The following ARK2C variants were observed in gnomAD, a reference collection of about 807,000 sequenced individuals.
ARK2C encodes E3 ubiquitin-protein ligase ARK2C.
At chr18:46,425,352 A>G in the ARK2C span, among the ~76,000 whole-genome samples, 3 of 152,194 alleles carry the variant, frequency 2.0e-5, no homozygotes, top group Non-Finnish European at 4.4e-5. Flanking sequence ...CTGTGCTTGA[A>G]TTGCCCACCA....
chr18:46,336,754 G>T, the ARK2C span: 2 of 985,370 alleles, frequency 2.0e-6, no homozygotes, highest in Non-Finnish European at 2.4e-6. Flanking sequence ...GATTCCTTTT[G>T]CCTTGGCTTA....
the ARK2C span, among the ~76,000 whole-genome samples, chr18:46,356,823 A>T: frequency 5.3e-5 from 8 of 152,190 alleles, no homozygotes; most frequent in South Asian, 2.1e-4. Flanking sequence ...TGTTGGTCTT[A>T]TTCAGGCATG....
chr18:46,380,311 G>T, the ARK2C span, among the ~76,000 whole-genome samples: 1 of 152,232 alleles, frequency 6.6e-6, no homozygotes, highest in African/African-American at 2.4e-5. Flanking sequence ...GCCCACGGGG[G>T]CTGTTGGCCT....
At chr18:46,417,721 G>A in the ARK2C span, among the ~76,000 whole-genome samples, 3 of 152,282 alleles carry the variant, frequency 2.0e-5, no homozygotes, top group East Asian at 5.8e-4. Context: ...TATAACATAA[G>A]GCCGGGAGCG....
chr18:46,335,799 T>G, the ARK2C span: 2 of 693,112 alleles, frequency 2.9e-6, no homozygotes, highest in Non-Finnish European at 3.6e-6. Flanking sequence ...CTTGGCCCCC[T>G]TAGGCCTGTT....
the ARK2C span, among the ~76,000 whole-genome samples, chr18:46,389,047 C>A: frequency 2.1e-4 from 32 of 152,282 alleles, no homozygotes; most frequent in East Asian, 6.2e-3. Context: ...TCAAGGTCCA[C>A]AACAGATTGG....
chr18:46,361,420 G>A, the ARK2C span, among the ~76,000 whole-genome samples: 3 of 152,134 alleles, frequency 2.0e-5, no homozygotes, highest in African/African-American at 4.8e-5. Context: ...CAGCATATAT[G>A]TACATTAATA....
At chr18:46,419,302 A>G in the ARK2C span, among the ~76,000 whole-genome samples, 1 of 152,184 alleles carries the variant, frequency 6.6e-6, no homozygotes, top group Non-Finnish European at 1.5e-5. Flanking sequence ...CATCCTCCGT[A>G]GCCAGCCCTA....
the ARK2C span, among the ~76,000 whole-genome samples, chr18:46,378,310 G>T: frequency 6.6e-6 from 1 of 152,156 alleles, no homozygotes; most frequent in Non-Finnish European, 1.5e-5. Flanking sequence ...TACTACAGAT[G>T]GGAAAACCGA....
At chr18:46,376,376 A>G in the ARK2C span, among the ~76,000 whole-genome samples, 1 of 152,242 alleles carries the variant, frequency 6.6e-6, no homozygotes, top group African/African-American at 2.4e-5. Context: ...AACAGTCAGG[A>G]TGTGGTAGAG....
At chr18:46,442,654 G>A in the ARK2C span, among the ~76,000 whole-genome samples, 5 of 152,006 alleles carry the variant, frequency 3.3e-5, no homozygotes, top group Non-Finnish European at 7.4e-5. Flanking sequence ...TTCTATAAAT[G>A]TCTCTTAGAT....
the ARK2C span, among the ~76,000 whole-genome samples, chr18:46,400,003 C>T: frequency 6.6e-6 from 1 of 152,152 alleles, no homozygotes. Flanking sequence ...GGGGCCACAC[C>T]CCAGGTGTTC....
chr18:46,435,317 C>A, the ARK2C span: 1 of 1,614,132 alleles, frequency 6.2e-7, no homozygotes, highest in East Asian at 2.2e-5. Context: ...ATCTGTCCAC[C>A]CCCACCGCCT....
At chr18:46,409,023 G>A in the ARK2C span, among the ~76,000 whole-genome samples, 1 of 152,170 alleles carries the variant, frequency 6.6e-6, no homozygotes, top group Non-Finnish European at 1.5e-5. Context: ...GTCACTCAGT[G>A]GTTAAGTGGA....
the ARK2C span, among the ~76,000 whole-genome samples, chr18:46,365,213 G>A: frequency 6.6e-6 from 1 of 152,192 alleles, no homozygotes; most frequent in Admixed American, 6.5e-5. Flanking sequence ...ATGGATGGCA[G>A]GGAGTGGCCT....
At chr18:46,399,863 A>C in the ARK2C span, among the ~76,000 whole-genome samples, 3 of 152,072 alleles carry the variant, frequency 2.0e-5, no homozygotes, top group East Asian at 1.9e-4. Flanking sequence ...TTTTCTCTCT[A>C]ATTCCCTGAG....
the ARK2C span, among the ~76,000 whole-genome samples, chr18:46,413,506 C>T: frequency 3.3e-5 from 5 of 152,074 alleles, no homozygotes; most frequent in African/African-American, 1.2e-4. Flanking sequence ...GTCTTATTAG[C>T]CCTGCGACCT....
At chr18:46,385,728 C>A in the ARK2C span, 1 of 152,198 alleles carries the variant, frequency 6.6e-6, no homozygotes, top group Non-Finnish European at 1.5e-5. Context: ...GCCTCTTGCT[C>A]CAAGCCTGCA....
the ARK2C span, among the ~76,000 whole-genome samples, chr18:46,403,739 G>T: frequency 6.6e-6 from 1 of 152,120 alleles, no homozygotes; most frequent in African/African-American, 2.4e-5. Context: ...TTAGCCAGGC[G>T]TGGTGGCGGT....
Sources: allele counts gnomAD v4.1 joint callset (sites outside exome capture counted in the v4.1 genomes callset), GRCh38; gene constraint gnomAD v4.1.1; transcripts MANE v1.5; gene names NCBI Gene and HGNC (gene_info 2026-07-23, HGNC 2026-07-21).